The following TCF7L1 variants were observed in gnomAD, a reference collection of about 807,000 sequenced individuals.
The protein encoded by TCF7L1 is transcription factor 7-like 1.
TCF7L1 carries 18 observed loss-of-function variants against 63.7 expected under a neutral mutation model. That is an observed-to-expected ratio of 0.28 (90% CI 0.20 to 0.42). The LOEUF is 0.42. TCF7L1 is among the 10% of genes least tolerant of loss of function. The pLI is 1.00. For synonymous variants in TCF7L1, 355 were observed against 340.9 expected (o/e 1.04, Z -0.46); for missense variants, 654 against 779.3 (o/e 0.84, Z 1.91).
At chr2:85,266,126 C>T (rs1211533031) in intron 3 of TCF7L1, among the ~76,000 whole-genome samples, 1 of 152,116 alleles carries the variant, frequency 6.6e-6, no homozygotes, top group Non-Finnish European at 1.5e-5. Flanking sequence ...TGTAAATAAC[C>T]ACCTACTACA....
intron 11 of TCF7L1, among the ~76,000 whole-genome samples, chr2:85,308,070 T>TC (rs1000822405): frequency 6.6e-6 from 1 of 152,174 alleles, no homozygotes; most frequent in Admixed American, 6.5e-5. Flanking sequence ...GCCCCTGACA[T>TC]CCCACCTGTC....
chr2:85,289,677 A>C (rs1314786222), intron 4 of TCF7L1, among the ~76,000 whole-genome samples: 1 of 152,108 alleles, frequency 6.6e-6, no homozygotes, highest in Admixed American at 6.5e-5. Flanking sequence ...GATGGTTTCC[A>C]GTTGTTTGTT....
intron 3 of TCF7L1, among the ~76,000 whole-genome samples, chr2:85,265,725 C>G (rs1458328306): frequency 1.3e-5 from 2 of 151,188 alleles, no homozygotes. Flanking sequence ...CTCAGAAGTT[C>G]AGAAATGAGA....
At chr2:85,140,066 G>A (rs1227723766) in intron 3 of TCF7L1, among the ~76,000 whole-genome samples, 1 of 152,196 alleles carries the variant, frequency 6.6e-6, no homozygotes, top group Non-Finnish European at 1.5e-5. Context: ...GAGGAAATAG[G>A]ATTCTTGTCT....
At chr2:85,272,953 A>G (rs1681185385) in intron 3 of TCF7L1, among the ~76,000 whole-genome samples, 1 of 152,196 alleles carries the variant, frequency 6.6e-6, no homozygotes. Context: ...TTTTCTTCCT[A>G]AAGTCATCCA....
intron 3 of TCF7L1, among the ~76,000 whole-genome samples, chr2:85,226,587 A>AGTT: frequency 1.2e-5 from 1 of 80,928 alleles, no homozygotes. Context: ...TCCTCTCCCA[A>AGTT]CTTTATTCTC....
chr2:85,144,243 A>C (rs1027692894), intron 3 of TCF7L1, among the ~76,000 whole-genome samples: 2 of 152,144 alleles, frequency 1.3e-5, no homozygotes, highest in African/African-American at 4.8e-5. Context: ...AATCAGTCCC[A>C]AAAATCTATA....
At chr2:85,270,087 A>T (rs1485206450) in intron 3 of TCF7L1, among the ~76,000 whole-genome samples, 1 of 152,190 alleles carries the variant, frequency 6.6e-6, no homozygotes, top group Non-Finnish European at 1.5e-5. Context: ...GGGTTCTAAG[A>T]GACCCTTGAA....
intron 3 of TCF7L1, among the ~76,000 whole-genome samples, chr2:85,270,767 G>T (rs1180484988): frequency 6.6e-6 from 1 of 152,064 alleles, no homozygotes; most frequent in Non-Finnish European, 1.5e-5. Flanking sequence ...ACAGCTCACT[G>T]CAGCCTCGAG....
chr2:85,307,807 G>A (rs1682152693), intron 11 of TCF7L1, 90 bp downstream of exon 11: 3 of 1,228,088 alleles, frequency 2.4e-6, no homozygotes, highest in Non-Finnish European at 3.6e-6. Flanking sequence ...TGATGGGTCA[G>A]GGCTTCTGCC....
chr2:85,268,767 TAAAAA>T (rs61701088), intron 3 of TCF7L1, among the ~76,000 whole-genome samples: 4 of 139,242 alleles, frequency 2.9e-5, no homozygotes, highest in Admixed American at 7.1e-5. Context: ...AGCGGCAGGT[TAAAAA>T]AAAAAAAAAA....
At position 85,134,089 on chromosome 2, in the gene TCF7L1, C is replaced by T. The variant is rs376459910; in HGVS notation, c.313+10C>T. ...GACTATTTCGCCGAAGGTATGTGCC[C>T]GCTGGGACAGCCCCCCACTCTCGAT... On this transcript the variant is annotated intron_variant, in intron 2 of 11. Transcript: ENST00000282111. This position sits in a 1 kb window ranked among gnomAD's most constrained non-coding sequence, Gnocchi z 5.0. 163 of 1,608,890 alleles carry T rather than the reference C, an allele frequency of 1.0e-4. No individual in the cohort carries two copies. The African/African-American group carries it at 2.1e-3, about 20-fold the overall frequency.
chr2:85,288,333 G>A (rs1264297233), intron 4 of TCF7L1, among the ~76,000 whole-genome samples: 2 of 152,106 alleles, frequency 1.3e-5, no homozygotes, highest in African/African-American at 4.8e-5. Flanking sequence ...AGCCAGAGTC[G>A]AGGATCATTG....
At chr2:85,180,676 C>T (rs1300067116) in intron 3 of TCF7L1, among the ~76,000 whole-genome samples, 1 of 152,186 alleles carries the variant, frequency 6.6e-6, no homozygotes, top group Non-Finnish European at 1.5e-5. Flanking sequence ...GAAATAACAA[C>T]CACGATAAGA....
intron 3 of TCF7L1, among the ~76,000 whole-genome samples, chr2:85,177,413 A>G (rs1678701988): frequency 6.6e-6 from 1 of 152,224 alleles, no homozygotes; most frequent in Non-Finnish European, 1.5e-5. Context: ...ACCACACTAT[A>G]TAAAAGAGAG....
At chr2:85,185,842 T>G (rs1678908095) in intron 3 of TCF7L1, among the ~76,000 whole-genome samples, 1 of 151,966 alleles carries the variant, frequency 6.6e-6, no homozygotes, top group Non-Finnish European at 1.5e-5. Context: ...CCCATGTTGG[T>G]GGAGGCCTCC....
rs180961565 is a variant in TCF7L1 at position 85,156,154 on chromosome 2, G to A, written c.441+21704G>A. ...TTTGGAACTTCTGTGTTCCGTCTTC[G>A]TGATAATTGTTCATTTTTACTTCAG... On this transcript the variant is annotated intron_variant, in intron 3 of 11. Coordinates refer to ENST00000282111, the MANE Select transcript of TCF7L1 (RefSeq NM_031283.3). 2.7e-3 allele frequency among the ~76,000 whole-genome samples: 418 copies of A among 152,194 alleles called. 2 individuals are homozygous for A. The highest frequency in any genetic ancestry group is 4.6e-3 in the Non-Finnish European group (311 of 68,014).
intron 3 of TCF7L1, among the ~76,000 whole-genome samples, chr2:85,270,174 G>A (rs962715984): frequency 6.6e-6 from 1 of 152,186 alleles, no homozygotes; most frequent in African/African-American, 2.4e-5. Flanking sequence ...CCAGATAAGC[G>A]CTTCCTGTTC....
At chr2:85,247,445 A>C (rs541618093) in intron 3 of TCF7L1, among the ~76,000 whole-genome samples, 1 of 152,344 alleles carries the variant, frequency 6.6e-6, no homozygotes, top group South Asian at 2.1e-4. Flanking sequence ...AATCTCTTCC[A>C]ATGAGACCTT....
Sources: allele counts gnomAD v4.1 joint callset (sites outside exome capture counted in the v4.1 genomes callset), GRCh38; gene constraint gnomAD v4.1.1; non-coding constraint Gnocchi (gnomAD v3.1); transcripts MANE v1.5; gene names NCBI Gene and HGNC (gene_info 2026-07-23, HGNC 2026-07-21).